Variants in PCGF5 observed in about 807,000 individuals in gnomAD.
The protein encoded by PCGF5 is polycomb group RING finger protein 5.
In PCGF5, 9 loss-of-function variants were observed where a neutral mutation model predicts 44.3. The ratio of observed to expected loss-of-function variants is 0.20; its 90% CI spans 0.12 to 0.35. PCGF5 has a LOEUF of 0.35. PCGF5 is among the 10% of genes least tolerant of loss of function. The pLI is 1.00. For missense variants in PCGF5, 146 were observed against 305.3 expected (o/e 0.48, Z 3.89); for synonymous variants, 95 against 102.5 (o/e 0.93, Z 0.44).
At chr10:91,249,393 A>G (rs867164012) in intron 5 of PCGF5, among the ~76,000 whole-genome samples, 4 of 120,512 alleles carry the variant, frequency 3.3e-5, no homozygotes, top group East Asian at 4.2e-4. Flanking sequence ...ATATATATAT[A>G]TATATATATA....
intron 8 of PCGF5, among the ~76,000 whole-genome samples, chr10:91,271,358 A>G (rs1380698390): frequency 2.0e-5 from 3 of 152,124 alleles, no homozygotes; most frequent in Non-Finnish European, 4.4e-5. Context: ...AGGAAATAGT[A>G]TTTGTAAAGG....
chr10:91,254,400 C>T lies in PCGF5; in HGVS notation c.474+2960C>T, dbSNP rs184820353. 1.6e-3 allele frequency among the ~76,000 whole-genome samples: 238 copies of T among 152,050 alleles called. 1 individual carries two copies. Among genetic ancestry groups the T allele is most frequent in the African/African-American group, 5.6e-3 (231 of 41,488 alleles). On this transcript the variant is annotated intron_variant, in intron 6 of 9. Transcript: ENST00000336126. Reference sequence around the variant, plus strand: ...ACCCAGAGATTTTTATTTTTTGTGACGCTTTTCCCAACCTAGTGAATCCCT... The same window carrying T: ...ACCCAGAGATTTTTATTTTTTGTGATGCTTTTCCCAACCTAGTGAATCCCT...
chr10:91,221,375 A>G (rs1287584816), intron 1 of PCGF5, among the ~76,000 whole-genome samples: 2 of 152,076 alleles, frequency 1.3e-5, no homozygotes, highest in African/African-American at 2.4e-5. Context: ...GTTAATCCCA[A>G]CTTATAGAGG....
intron 1 of PCGF5, among the ~76,000 whole-genome samples, chr10:91,195,531 C>T (rs1844118422): frequency 6.6e-6 from 1 of 150,544 alleles, no homozygotes; most frequent in African/African-American, 2.5e-5. Context: ...GTCACTCAGA[C>T]GGGAGTGCAG....
At position 91,229,029 on chromosome 10, in the gene PCGF5, TTAAAA is replaced by T. The variant is rs144295612; in HGVS notation, c.112+6051_112+6055del. 4.3e-3 allele frequency among the ~76,000 whole-genome samples: 657 copies of T among 152,362 alleles called. 2 individuals carry two copies. Among genetic ancestry groups the T allele is most frequent in the Non-Finnish European group, 7.5e-3 (508 of 68,034 alleles). ...GTTTGTATTTTTAATCATAGAATTGTTAAAATAAATGCTAATAAAGGAATGAAATA... is the reference window on the plus strand; with the variant it reads ...GTTTGTATTTTTAATCATAGAATTGTTAAATGCTAATAAAGGAATGAAATA... On this transcript the variant is annotated intron_variant, in intron 2 of 9. Coordinates refer to ENST00000336126, the MANE Select transcript of PCGF5 (RefSeq NM_032373.5).
chr10:91,241,983 A>C (rs1254163528), intron 3 of PCGF5, among the ~76,000 whole-genome samples: 3 of 152,124 alleles, frequency 2.0e-5, no homozygotes, highest in Non-Finnish European at 4.4e-5. Flanking sequence ...TCGTTTAGCA[A>C]GCTCTCTAGG....
At chr10:91,260,779 G>T (rs1481435848) in intron 6 of PCGF5, among the ~76,000 whole-genome samples, 2 of 139,324 alleles carry the variant, frequency 1.4e-5, no homozygotes, top group Non-Finnish European at 3.1e-5. Flanking sequence ...ATGGACACAG[G>T]AAGGGGAACA....
At chr10:91,178,873 A>G (rs1050556543) in intron 1 of PCGF5, among the ~76,000 whole-genome samples, 1 of 152,220 alleles carries the variant, frequency 6.6e-6, no homozygotes, top group Admixed American at 6.5e-5. Context: ...CACCAACGTA[A>G]TACATGAAGC....
upstream of PCGF5, among the ~76,000 whole-genome samples, chr10:91,215,245 T>A (rs751896246): frequency 2.0e-5 from 3 of 152,244 alleles, no homozygotes; most frequent in Non-Finnish European, 4.4e-5. Flanking sequence ...TTTTCTTAAT[T>A]TAATAAATTA....
At chr10:91,188,193 C>A (rs1459119473) in intron 1 of PCGF5, among the ~76,000 whole-genome samples, 1 of 152,184 alleles carries the variant, frequency 6.6e-6, no homozygotes, top group African/African-American at 2.4e-5. Flanking sequence ...TAGGGAGTAC[C>A]AGACAGTGGG....
intron 3 of PCGF5, among the ~76,000 whole-genome samples, chr10:91,243,202 G>A (rs533405164): frequency 7.2e-5 from 11 of 152,344 alleles, no homozygotes; most frequent in Middle Eastern, 3.4e-3. Context: ...TAAGGAGGTT[G>A]TGGGGAGGGG....
chr10:91,172,538 A>G (rs1413881468), intron 1 of PCGF5, among the ~76,000 whole-genome samples: 1 of 152,210 alleles, frequency 6.6e-6, no homozygotes, highest in African/African-American at 2.4e-5. Flanking sequence ...ACACCAACCA[A>G]ATAAATGACT....
At chr10:91,202,126 G>C (rs1284332538) in intron 1 of PCGF5, among the ~76,000 whole-genome samples, 4 of 152,164 alleles carry the variant, frequency 2.6e-5, no homozygotes, top group Admixed American at 2.6e-4. Flanking sequence ...TAGGATTATT[G>C]TGAGAAATAA....
chr10:91,224,817 G>A (rs1405141738), intron 2 of PCGF5, among the ~76,000 whole-genome samples: 1 of 152,178 alleles, frequency 6.6e-6, no homozygotes, highest in Non-Finnish European at 1.5e-5. Flanking sequence ...TGGAGGTGGA[G>A]AAGGGTGGTT....
At chr10:91,200,952 T>A (rs1312533584) in intron 1 of PCGF5, among the ~76,000 whole-genome samples, 1 of 151,384 alleles carries the variant, frequency 6.6e-6, no homozygotes, top group Non-Finnish European at 1.5e-5. Flanking sequence ...AGGGGGAGGG[T>A]CAGGTGGGAG....
In PCGF5 at chr10:91,278,356, A is replaced by T; in HGVS notation, c.*40A>T. ...ACCTCACTGAGATGAATCCTGCACT[A>T]TTTGTTTACTCGTCAACAGATTGCA... is the stretch of plus-strand genomic sequence containing the variant. On this transcript the variant is annotated 3_prime_UTR_variant, in exon 10 of 10. Coordinates refer to ENST00000336126, the MANE Select transcript of PCGF5 (RefSeq NM_032373.5). The T allele has an allele frequency of 6.4e-7, 1 of 1,557,264 alleles. No individual in the cohort carries two copies. Among genetic ancestry groups the T allele is most frequent in the South Asian group, 1.1e-5 (1 of 89,808 alleles).
At chr10:91,256,483 G>A (rs1564652150) in intron 6 of PCGF5, among the ~76,000 whole-genome samples, 1 of 152,076 alleles carries the variant, frequency 6.6e-6, no homozygotes, top group Non-Finnish European at 1.5e-5. Flanking sequence ...CATAATGGAA[G>A]TTCCAGAAGG....
At chr10:91,251,520 C>T (rs1481098741) in intron 6 of PCGF5, 80 bp downstream of exon 6, 1 of 1,333,842 alleles carries the variant, frequency 7.5e-7, no homozygotes. Flanking sequence ...TTTTCTAATG[C>T]TTCAAAATGT....
chr10:91,202,613 A>G (rs371164236), intron 1 of PCGF5, among the ~76,000 whole-genome samples: 2 of 152,366 alleles, frequency 1.3e-5, no homozygotes, highest in East Asian at 3.8e-4. Flanking sequence ...ATATACAGCC[A>G]GAAGTTGTTA....
Sources: gnomAD v4.1 joint callset for allele counts (sites outside exome capture counted in the v4.1 genomes callset) on GRCh38, gnomAD v4.1.1 for gene constraint, MANE v1.5 for transcripts, NCBI Gene and HGNC (gene_info 2026-07-23, HGNC 2026-07-21) for gene names.